The following CTNNA3 variants were observed in gnomAD, a reference collection of about 807,000 sequenced individuals.
CTNNA3 encodes catenin alpha-3.
Under a neutral mutation model 95.7 loss-of-function variants are expected in CTNNA3, and 76 were observed. That is an observed-to-expected ratio of 0.79 (90% CI 0.66 to 0.96). The LOEUF (loss-of-function observed/expected upper bound fraction) is 0.96, where lower values mean the gene tolerates loss of function less well. Among genes scored for constraint, CTNNA3 ranks in the 40% least tolerant of loss-of-function variants. The pLI is 0.00. For missense variants in CTNNA3, 1,191 were observed against 1,089.8 expected (o/e 1.09, Z -1.31); for synonymous variants, 431 against 374.4 (o/e 1.15, Z -1.74).
At chr10:66,912,225 C>A (rs925189429) in intron 7 of CTNNA3, among the ~76,000 whole-genome samples, 3 of 152,148 alleles carry the variant, frequency 2.0e-5, no homozygotes, top group African/African-American at 7.2e-5. Flanking sequence ...TCACACACCA[C>A]ACCACCACCA....
chr10:66,998,892 T>C (rs913511567), intron 7 of CTNNA3, among the ~76,000 whole-genome samples: 1 of 152,136 alleles, frequency 6.6e-6, no homozygotes, highest in Non-Finnish European at 1.5e-5. Context: ...ACCCTACAAT[T>C]AGAGAACACA....
At chr10:66,509,246 T>C (rs1167505213) in intron 11 of CTNNA3, among the ~76,000 whole-genome samples, 1 of 152,096 alleles carries the variant, frequency 6.6e-6, no homozygotes, top group African/African-American at 2.4e-5. Context: ...ATTGTTTCTG[T>C]GCTGTTGTTT....
intron 7 of CTNNA3, among the ~76,000 whole-genome samples, chr10:66,854,019 T>A (rs755953900): frequency 3.3e-5 from 5 of 152,168 alleles, no homozygotes; most frequent in Non-Finnish European, 7.4e-5. Flanking sequence ...CACCATCGCA[T>A]GTAAATGCAC....
At chr10:67,748,435 G>C (rs765837400) in intron 1 of CTNNA3, among the ~76,000 whole-genome samples, 1 of 152,138 alleles carries the variant, frequency 6.6e-6, no homozygotes, top group Non-Finnish European at 1.5e-5. Flanking sequence ...CCAGTAGAGA[G>C]TGTGGGCCAA....
chr10:66,936,820 T>C (rs2140384), intron 7 of CTNNA3, among the ~76,000 whole-genome samples: 42,685 of 152,004 alleles, frequency 0.28, 6,289 homozygotes, highest in Middle Eastern at 0.34. Flanking sequence ...GCTCCCAGAG[T>C]GAGAGCAGGA....
At chr10:67,273,725 C>T (rs1475361357) in intron 5 of CTNNA3, among the ~76,000 whole-genome samples, 1 of 152,064 alleles carries the variant, frequency 6.6e-6, no homozygotes, top group Non-Finnish European at 1.5e-5. Flanking sequence ...TTACTACTTT[C>T]CCATAAAAAG....
chr10:66,486,006 G>A (rs187693914), intron 11 of CTNNA3, among the ~76,000 whole-genome samples: 60 of 152,250 alleles, frequency 3.9e-4, no homozygotes, highest in African/African-American at 1.4e-3. Context: ...AAATGGCACT[G>A]ATAAAACTGC....
At chr10:66,644,656 G>A (rs1845642646) in intron 9 of CTNNA3, among the ~76,000 whole-genome samples, 2 of 151,784 alleles carry the variant, frequency 1.3e-5, no homozygotes, top group South Asian at 2.1e-4. Context: ...TCATCCCCCT[G>A]TGGTAACATT....
chr10:66,540,179 G>T (rs564647166), intron 10 of CTNNA3, among the ~76,000 whole-genome samples: 22 of 152,068 alleles, frequency 1.4e-4, no homozygotes, highest in Non-Finnish European at 2.6e-4. Flanking sequence ...TAGGATGGCA[G>T]GACATTTTAT....
chr10:66,602,921 A>C (rs1843983145), intron 10 of CTNNA3, among the ~76,000 whole-genome samples: 1 of 152,084 alleles, frequency 6.6e-6, no homozygotes, highest in Non-Finnish European at 1.5e-5. Flanking sequence ...ATCTTCAACA[A>C]ATTTTGCATA....
intron 13 of CTNNA3, among the ~76,000 whole-genome samples, chr10:66,129,385 G>A (rs557802960): frequency 6.6e-6 from 1 of 152,338 alleles, no homozygotes; most frequent in African/African-American, 2.4e-5. Flanking sequence ...CATTGGAGTT[G>A]CCAGGGAAAG....
intron 16 of CTNNA3, among the ~76,000 whole-genome samples, chr10:65,979,563 C>T (rs778937888): frequency 6.6e-6 from 1 of 151,992 alleles, no homozygotes; most frequent in Non-Finnish European, 1.5e-5. Context: ...GATAGCCAGC[C>T]AACTACAAGA....
chr10:67,391,782 C>A (rs12775021), intron 5 of CTNNA3, among the ~76,000 whole-genome samples: 1 of 150,674 alleles, frequency 6.6e-6, no homozygotes, highest in Non-Finnish European at 1.5e-5. Flanking sequence ...TTTGACAAAC[C>A]TGAGAAAAAC....
intron 13 of CTNNA3, among the ~76,000 whole-genome samples, chr10:66,150,745 C>A (rs920967610): frequency 6.6e-6 from 1 of 151,980 alleles, no homozygotes; most frequent in Admixed American, 6.6e-5. Context: ...GGTAAAACTA[C>A]TTATCATTCC....
chr10:66,489,533 T>C (rs1156828770), intron 11 of CTNNA3, among the ~76,000 whole-genome samples: 1 of 152,010 alleles, frequency 6.6e-6, no homozygotes, highest in Non-Finnish European at 1.5e-5. Context: ...CTCTTGATAC[T>C]CCCCAACGTT....
At chr10:67,416,693 T>A (rs1275126630) in intron 5 of CTNNA3, among the ~76,000 whole-genome samples, 2 of 144,130 alleles carry the variant, frequency 1.4e-5, no homozygotes, top group African/African-American at 5.2e-5. Flanking sequence ...AGTAAACATA[T>A]GAAAAAATAC....
chr10:67,015,291 A>G (rs1182492678), intron 7 of CTNNA3: 1 of 152,194 alleles, frequency 6.6e-6, no homozygotes, highest in Non-Finnish European at 1.5e-5. Context: ...GATGCTAACC[A>G]TCTTAAATCA....
chr10:66,416,860 A>G (rs771069442), intron 11 of CTNNA3, among the ~76,000 whole-genome samples: 4 of 152,066 alleles, frequency 2.6e-5, no homozygotes, highest in Non-Finnish European at 4.4e-5. Flanking sequence ...GAAAACACAC[A>G]AAAGTATAAA....
intron 7 of CTNNA3, among the ~76,000 whole-genome samples, chr10:67,028,638 T>TTTTTTTTA (rs1853535008): frequency 3.6e-5 from 4 of 110,688 alleles, no homozygotes; most frequent in African/African-American, 1.3e-4. Context: ...TACAACAAGC[T>TTTTTTTTA]AGTTCTACTT....
Sources: gnomAD v4.1 joint callset for allele counts (sites outside exome capture counted in the v4.1 genomes callset) on GRCh38, gnomAD v4.1.1 for gene constraint, MANE v1.5 for transcripts, NCBI Gene and HGNC (gene_info 2026-07-23, HGNC 2026-07-21) for gene names.